ANO4: variants seen among roughly 807,000 people sequenced by gnomAD.
ANO4 encodes the protein anoctamin 4, also known as anoctamin-4.
A neutral mutation model predicts 141.9 loss-of-function variants in ANO4; 69 were observed. The ratio of observed to expected loss-of-function variants is 0.49; its 90% CI spans 0.40 to 0.59. ANO4 has a LOEUF of 0.59. Among genes scored for constraint, ANO4 ranks in the 20% least tolerant of loss-of-function variants. The pLI, the probability that ANO4 is intolerant of heterozygous loss-of-function variation, is 0.00. For synonymous variants in ANO4, 350 were observed against 394.3 expected, an observed-to-expected ratio of 0.89 and a Z score of 1.33; for missense variants, 894 against 1,162.2, an observed-to-expected ratio of 0.77 and a Z score of 3.36.
At chr12:100,836,191 G>T (rs951200453) in intron 1 of ANO4, among the ~76,000 whole-genome samples, 1 of 151,974 alleles carries the variant, frequency 6.6e-6, no homozygotes, top group East Asian at 1.9e-4. Context: ...TGGAGTCCCC[G>T]TGGGTGAAAA....
At chr12:100,934,666 A>G (rs998783598) in intron 3 of ANO4, among the ~76,000 whole-genome samples, 1 of 152,120 alleles carries the variant, frequency 6.6e-6, no homozygotes, top group Non-Finnish European at 1.5e-5. Flanking sequence ...CATTAAATCT[A>G]TAAATTACCT....
intron 10 of ANO4, chr12:101,039,146 C>T (rs1424114991): frequency 6.6e-6 from 1 of 152,148 alleles, no homozygotes; most frequent in Non-Finnish European, 1.5e-5. Flanking sequence ...CTAGAATTTT[C>T]TTGTCGATAA....
chr12:100,930,590 T>G (rs891778206), intron 3 of ANO4, among the ~76,000 whole-genome samples: 1 of 105,824 alleles, frequency 9.4e-6, no homozygotes, highest in African/African-American at 2.6e-5. Flanking sequence ...TAAATGAATA[T>G]TTTTTTTAAA....
chr12:100,751,186 C>CCAT (rs1389847606), intron 3 of ANO4, among the ~76,000 whole-genome samples: 9 of 152,126 alleles, frequency 5.9e-5, no homozygotes, highest in African/African-American at 1.9e-4. Flanking sequence ...CAGCCGAGAG[C>CCAT]CATCAGCAGC....
Position 101,066,590 on chromosome 12 carries a change from G to A in ANO4, c.1313-12603G>A, listed in dbSNP as rs138604933. 633 of 492,098 alleles carry A rather than the reference G, an allele frequency of 1.3e-3. 10 individuals are homozygous for A. In the East Asian group the frequency reaches 0.018, roughly 14 times the overall value. The allele number at this position is 492,098 out of a possible 1,614,324, so 30.5% of individuals were successfully genotyped here. A position where few individuals can be genotyped will look rare whatever the true frequency, so the allele number is the denominator to read the frequency against. On this transcript the variant is annotated intron_variant, in intron 14 of 27. Coordinates refer to ENST00000392977, the MANE Select transcript of ANO4 (RefSeq NM_001286615.2). The stretch of plus-strand genomic sequence containing the variant: ...ACAATGAAAACTATAGAACACTGAC[G>A]AAAGAAATGGAAGAGGCTTTTTCTA...
intron 1 of ANO4, among the ~76,000 whole-genome samples, chr12:100,862,377 A>G (rs903883865): frequency 6.6e-6 from 1 of 152,196 alleles, no homozygotes; most frequent in Non-Finnish European, 1.5e-5. Flanking sequence ...GCTGGAGTGC[A>G]GTGGTGCAAT....
chr12:101,023,211 T>C (rs1251880439), intron 9 of ANO4, among the ~76,000 whole-genome samples: 1 of 152,180 alleles, frequency 6.6e-6, no homozygotes, highest in Non-Finnish European at 1.5e-5. Flanking sequence ...CGTCTCAAAA[T>C]GTGGGATGCT....
intron 1 of ANO4, among the ~76,000 whole-genome samples, chr12:100,821,393 C>T (rs2036044357): frequency 6.6e-6 from 1 of 151,914 alleles, no homozygotes; most frequent in African/African-American, 2.4e-5. Flanking sequence ...TACTTAATTT[C>T]TTAAACTATA....
chr12:100,761,603 G>A (rs1483543824), intron 3 of ANO4, among the ~76,000 whole-genome samples: 1 of 152,130 alleles, frequency 6.6e-6, no homozygotes, highest in African/African-American at 2.4e-5. Context: ...GGCCGTGTAG[G>A]TACCTCTGCT....
intron 14 of ANO4, among the ~76,000 whole-genome samples, chr12:101,078,309 G>T (rs1839694145): frequency 6.7e-6 from 1 of 148,332 alleles, no homozygotes; most frequent in African/African-American, 2.5e-5. Context: ...CATTCTCAGA[G>T]TGTGAGTGAG....
upstream of ANO4, among the ~76,000 whole-genome samples, chr12:100,793,932 A>C (rs536358209): frequency 2.2e-3 from 332 of 152,320 alleles, 1 homozygote; most frequent in African/African-American, 7.4e-3. Flanking sequence ...TGTTAGTGTA[A>C]GTCAGAATTT....
At chr12:100,955,839 C>T (rs1474323028) in intron 5 of ANO4, among the ~76,000 whole-genome samples, 1 of 152,102 alleles carries the variant, frequency 6.6e-6, no homozygotes, top group Non-Finnish European at 1.5e-5. Flanking sequence ...GCATGGCATT[C>T]CAGATGGGAA....
At chr12:101,036,437 A>G (rs2047200126) in intron 9 of ANO4, among the ~76,000 whole-genome samples, 1 of 152,190 alleles carries the variant, frequency 6.6e-6, no homozygotes, top group African/African-American at 2.4e-5. Context: ...CCAAGATATG[A>G]AAACAACCCA....
chr12:100,874,550 C>T (rs941332021), intron 1 of ANO4, among the ~76,000 whole-genome samples: 3 of 152,032 alleles, frequency 2.0e-5, no homozygotes, highest in African/African-American at 4.8e-5. Context: ...GACAGAGTCT[C>T]ACTCTGCTGC....
rs373088631 is a variant in ANO4 at position 101,116,679 on chromosome 12, G to A, written c.2451G>A (p.Lys817=). 1.2e-5 allele frequency: 19 copies of A among 1,613,996 alleles called. No homozygotes were observed. Among genetic ancestry groups the A allele is most frequent in the Non-Finnish European group, 1.5e-5 (18 of 1,179,998 alleles). The change falls in exon 25 of 28, where the codon AAG becomes AAA. Residue 817 remains lysine, a splice_region_variant and synonymous_variant. Transcript: ENST00000392977. ...TGGTAGAATGTGCCTCCTCTTATAG[G>A]TGCATGGTTGGCTATGTGAATGCCA... ...PCAGQGEAGQ[K]CMVGYVNASL... is the part of the protein sequence containing the mutation.
At chr12:101,011,177 T>G (rs2046071739) in intron 8 of ANO4, among the ~76,000 whole-genome samples, 1 of 152,110 alleles carries the variant, frequency 6.6e-6, no homozygotes, top group African/African-American at 2.4e-5. Flanking sequence ...TGCCAAAAAA[T>G]CATGGAAATT....
intron 21 of ANO4, among the ~76,000 whole-genome samples, chr12:101,098,952 G>T (rs2050089199): frequency 6.6e-6 from 1 of 152,036 alleles, no homozygotes; most frequent in South Asian, 2.1e-4. Flanking sequence ...CCTCCAATCT[G>T]TCATTTCCTC....
intron 19 of ANO4, among the ~76,000 whole-genome samples, chr12:101,097,106 G>A (rs988288157): frequency 7.2e-5 from 11 of 152,178 alleles, no homozygotes; most frequent in Non-Finnish European, 1.6e-4. Context: ...GCAGTTATGA[G>A]GATTTGGGAA....
chr12:100,809,537 G>T (rs746429460), intron 1 of ANO4, among the ~76,000 whole-genome samples: 11 of 152,216 alleles, frequency 7.2e-5, no homozygotes, highest in Non-Finnish European at 1.5e-4. Context: ...CGGATGAGTT[G>T]CTGCCAGGTG....
Sources: allele counts gnomAD v4.1 joint callset (sites outside exome capture counted in the v4.1 genomes callset), GRCh38; gene constraint gnomAD v4.1.1; transcripts MANE v1.5; gene names NCBI Gene and HGNC (gene_info 2026-07-23, HGNC 2026-07-21).